The following CEP135 variants were observed in gnomAD, a reference collection of about 807,000 sequenced individuals.
CEP135 encodes the protein centrosomal protein 135, also known as centrosomal protein of 135 kDa.
CEP135 carries 142 observed loss-of-function variants against 157.3 expected under a neutral mutation model. That is an observed-to-expected ratio of 0.90 (90% CI 0.79 to 1.04). The LOEUF is 1.04. Ranked by LOEUF, CEP135 falls within the 50% of genes least tolerant of loss-of-function variation. CEP135 has a pLI of 0.00. For missense variants in CEP135, 1,317 were observed against 1,309.2 expected (o/e 1.01, Z -0.09); for synonymous variants, 396 against 439.8 (o/e 0.90, Z 1.25).
At chr4:55,989,600 AT>A (rs1333928073) in intron 14 of CEP135, among the ~76,000 whole-genome samples, 3 of 152,220 alleles carry the variant, frequency 2.0e-5, no homozygotes, top group African/African-American at 7.2e-5. Context: ...TAAGCCACTG[AT>A]AGAACAGTTT....
chr4:55,991,904 A>G lies in CEP135; in HGVS notation c.1858-30A>G, dbSNP rs375716001. On this transcript the variant is annotated intron_variant, in intron 14 of 25. Transcript: ENST00000257287. ...AAATATCATTAACGTATTAAGATAT[A>G]TACCTACTGTTTTTTTATTTAAATT... 1.1e-5 allele frequency: 13 copies of G among 1,185,408 alleles called. No individual in the cohort carries two copies. The African/African-American group carries it at 1.7e-4, about 16-fold the overall frequency. The allele number at this position is 1,185,408 out of a possible 1,614,324, so 73.4% of individuals were successfully genotyped here.
chr4:56,025,634 G>C (rs1374044263), intron 25 of CEP135, among the ~76,000 whole-genome samples: 1 of 152,136 alleles, frequency 6.6e-6, no homozygotes, highest in East Asian at 1.9e-4. Context: ...CAAGGGAAGG[G>C]TCAAGATGAA....
chr4:55,998,602 C>A (rs1409663012), intron 15 of CEP135, among the ~76,000 whole-genome samples: 1 of 152,164 alleles, frequency 6.6e-6, no homozygotes, highest in Admixed American at 6.5e-5. Flanking sequence ...TGGTGGCTCA[C>A]ACCTGTAATC....
At chr4:56,003,721 GT>G (rs1314313548) in intron 17 of CEP135, among the ~76,000 whole-genome samples, 25 of 141,156 alleles carry the variant, frequency 1.8e-4, no homozygotes, top group African/African-American at 1.9e-4. Flanking sequence ...TTTTTGTTTT[GT>G]TTTTTTTTTT....
At position 55,952,115 on chromosome 4, in the gene CEP135, T is replaced by G. The variant is rs749528192; in HGVS notation, c.-16T>G. The G allele has an allele frequency of 8.6e-6, 12 of 1,399,810 alleles. No individual in the cohort carries two copies. The South Asian group carries it at 1.3e-4, about 15-fold the overall frequency. 86.7% of individuals were successfully genotyped at this position (1,399,810 alleles called of 1,614,324 possible). A position where few individuals can be genotyped will look rare whatever the true frequency, so the allele number is the denominator to read the frequency against. On this transcript the variant is annotated 5_prime_UTR_variant, in exon 2 of 26. Coordinates refer to ENST00000257287, the MANE Select transcript of CEP135 (RefSeq NM_025009.5). ...TTAATTTTTGGAAGTGAATAAAACT[T>G]GTTTTAGAAGACGAGATGACTACAG...
intron 18 of CEP135, 125 bp from the exon 19 acceptor site, chr4:56,009,610 A>T (rs1730495823): frequency 1.3e-6 from 1 of 762,464 alleles, no homozygotes; most frequent in Non-Finnish European, 2.0e-6. Context: ...TTAATGCAGC[A>T]GTTATAATTT....
chr4:56,011,858 A>T lies in CEP135; in HGVS notation c.2675A>T (p.Asp892Val), dbSNP rs146257324. 10 of 1,605,954 alleles carry T rather than the reference A, an allele frequency of 6.2e-6. No individual in the cohort carries two copies. Among genetic ancestry groups the T allele is most frequent in the Non-Finnish European group, 8.5e-7 (1 of 1,176,912 alleles). The change falls in exon 21 of 26, where the codon GAC becomes GTC. Residue 892 changes from aspartate (D) to valine (V), a missense_variant. By Grantham distance (152) the Asp-to-Val change is radical (BLOSUM62 -3). Coordinates refer to ENST00000257287, the MANE Select transcript of CEP135 (RefSeq NM_025009.5). ...CAGATGCTTCATAACCGTGCTGAAGACTGGGAGGTCAAAGCCCATCAAGCT... is the reference window on the plus strand; with the variant it reads ...CAGATGCTTCATAACCGTGCTGAAGTCTGGGAGGTCAAAGCCCATCAAGCT... ...RFQMLHNRAEDWEVKAHQAEG... is the reference protein window; with the variant it reads ...RFQMLHNRAEVWEVKAHQAEG...
At position 55,952,104 on chromosome 4, in the gene CEP135, T is replaced by C. The variant is rs1728375218; in HGVS notation, c.-27T>C. The C allele has an allele frequency of 8.4e-7, 1 of 1,191,964 alleles. No individual in the cohort carries two copies. Among genetic ancestry groups the C allele is most frequent in the Non-Finnish European group, 1.2e-6 (1 of 819,388 alleles). 73.8% of individuals were successfully genotyped at this position (1,191,964 alleles called of 1,614,324 possible). A position where few individuals can be genotyped will look rare whatever the true frequency, so the allele number is the denominator to read the frequency against. ...CTCTCAGGACTTTAATTTTTGGAAG[T>C]GAATAAAACTTGTTTTAGAAGACGA... On this transcript the variant is annotated 5_prime_UTR_variant, in exon 2 of 26. Coordinates refer to ENST00000257287, the MANE Select transcript of CEP135 (RefSeq NM_025009.5).
At chr4:55,991,850 C>G in intron 14 of CEP135, 84 bp from the exon 15 acceptor site, 1 of 701,634 alleles carries the variant, frequency 1.4e-6, no homozygotes, top group East Asian at 3.3e-5. Context: ...AGTTTTCTTC[C>G]GGAAATATTA....
intron 17 of CEP135, among the ~76,000 whole-genome samples, chr4:56,003,219 G>A (rs765712270): frequency 4.6e-5 from 7 of 151,516 alleles, no homozygotes; most frequent in East Asian, 1.9e-4. Context: ...ACGGAGTCTC[G>A]CTTTGTCGCT....
chr4:55,993,811 G>GT (rs1242730060), intron 15 of CEP135, among the ~76,000 whole-genome samples: 1 of 152,140 alleles, frequency 6.6e-6, no homozygotes, highest in Non-Finnish European at 1.5e-5. Flanking sequence ...CTCCTTTGGA[G>GT]TTTTATTTCT....
chr4:55,969,010 C>A, intron 8 of CEP135, 53 bp from the exon 9 acceptor site: 1 of 1,358,340 alleles, frequency 7.4e-7, no homozygotes, highest in Non-Finnish European at 1.0e-6. Context: ...TTGCATATGA[C>A]TTAAGTATTC....
At chr4:55,958,793 A>C (rs1354630894) in intron 5 of CEP135, among the ~76,000 whole-genome samples, 1 of 152,100 alleles carries the variant, frequency 6.6e-6, no homozygotes, top group Non-Finnish European at 1.5e-5. Flanking sequence ...TTTAAAAACA[A>C]ACCTGGGGCT....
At chr4:56,004,733 T>C (rs1276020263) in intron 17 of CEP135, among the ~76,000 whole-genome samples, 1 of 152,164 alleles carries the variant, frequency 6.6e-6, no homozygotes, top group Non-Finnish European at 1.5e-5. Flanking sequence ...ACTCCTTCTG[T>C]TTTTTGCTTG....
At chr4:55,980,104 G>A (rs983415414) in intron 11 of CEP135, 39 bp from the exon 12 acceptor site, 1 of 1,509,348 alleles carries the variant, frequency 6.6e-7, no homozygotes. Context: ...TGACAACCAT[G>A]TGGTGATGAT....
At chr4:55,975,773 T>C (rs149003458) in intron 11 of CEP135, among the ~76,000 whole-genome samples, 145 of 152,302 alleles carry the variant, frequency 9.5e-4, no homozygotes, top group African/African-American at 3.2e-3. Context: ...AGAGTACTCA[T>C]TAAAACTCAA....
chr4:56,012,476 A>G (rs528229238), intron 21 of CEP135, among the ~76,000 whole-genome samples: 60 of 152,366 alleles, frequency 3.9e-4, no homozygotes, highest in African/African-American at 1.3e-3. Context: ...TAAAAGATAC[A>G]TACATCAAAT....
chr4:55,969,623 T>A (rs1345451991), intron 9 of CEP135, among the ~76,000 whole-genome samples: 2 of 152,116 alleles, frequency 1.3e-5, no homozygotes, highest in African/African-American at 4.8e-5. Flanking sequence ...TGTGGTAGCA[T>A]TTATGAGTAC....
At chr4:55,976,810 T>A (rs1729239327) in intron 11 of CEP135, among the ~76,000 whole-genome samples, 1 of 152,076 alleles carries the variant, frequency 6.6e-6, no homozygotes, top group Admixed American at 6.6e-5. Context: ...TTAGCTATTT[T>A]ATTTTACTTT....
Sources: gnomAD v4.1 joint callset for allele counts (sites outside exome capture counted in the v4.1 genomes callset) on GRCh38, gnomAD v4.1.1 for gene constraint, MANE v1.5 for transcripts, NCBI Gene and HGNC (gene_info 2026-07-23, HGNC 2026-07-21) for gene names.